NRXN3: variants seen among roughly 807,000 people sequenced by gnomAD.
NRXN3 encodes neurexin 3.
A neutral mutation model predicts 137.6 loss-of-function variants in NRXN3; 32 were observed. The ratio of observed to expected loss-of-function variants is 0.23; its 90% CI spans 0.18 to 0.31. The LOEUF is 0.31. Among genes scored for constraint, NRXN3 ranks in the 10% least tolerant of loss-of-function variants. The pLI is 1.00. For missense variants in NRXN3, 1,574 were observed against 2,062.5 expected, an observed-to-expected ratio of 0.76 and a Z score of 4.59; for synonymous variants, 798 against 784.5, an observed-to-expected ratio of 1.02 and a Z score of -0.29.
chr14:79,791,703 C>G (rs1467876712), intron 19 of NRXN3, among the ~76,000 whole-genome samples: 1 of 151,960 alleles, frequency 6.6e-6, no homozygotes, highest in Non-Finnish European at 1.5e-5. Context: ...ATGTCCCGTG[C>G]AAACCCAAGG....
At chr14:78,393,135 T>C (rs909368576) in intron 4 of NRXN3, among the ~76,000 whole-genome samples, 1 of 152,092 alleles carries the variant, frequency 6.6e-6, no homozygotes, top group Non-Finnish European at 1.5e-5. Context: ...GGCCATTTTA[T>C]ATACAAAGAA....
intron 10 of NRXN3, among the ~76,000 whole-genome samples, chr14:78,880,479 G>A (rs2099126020): frequency 6.6e-6 from 1 of 152,046 alleles, no homozygotes; most frequent in South Asian, 2.1e-4. Context: ...TGCAAGCACT[G>A]CAACCCGAGG....
chr14:79,556,191 C>G (rs1422766979), intron 16 of NRXN3, among the ~76,000 whole-genome samples: 3 of 152,106 alleles, frequency 2.0e-5, no homozygotes, highest in African/African-American at 7.2e-5. Flanking sequence ...TTGTTAATGT[C>G]AATACCTACA....
intron 12 of NRXN3, 77 bp from the exon 13 acceptor site, chr14:78,967,131 T>C (rs2099419180): frequency 3.2e-6 from 4 of 1,241,534 alleles, no homozygotes; most frequent in Non-Finnish European, 4.5e-6. Flanking sequence ...AAGCCCACTA[T>C]GTCAGTTACA....
intron 19 of NRXN3, among the ~76,000 whole-genome samples, chr14:79,784,168 A>AC (rs1363343008): frequency 6.6e-6 from 1 of 152,178 alleles, no homozygotes; most frequent in Non-Finnish European, 1.5e-5. Flanking sequence ...TCTAATAAAA[A>AC]CAAAAAAAAT....
intron 15 of NRXN3, chr14:79,280,512 C>T (rs1295289943): frequency 1.9e-6 from 3 of 1,612,954 alleles, no homozygotes; most frequent in Admixed American, 1.7e-5. Flanking sequence ...ATCTATCGTT[C>T]CCCTGTTTCC....
intron 15 of NRXN3, among the ~76,000 whole-genome samples, chr14:79,195,853 A>T (rs932202767): frequency 6.6e-6 from 1 of 152,234 alleles, no homozygotes; most frequent in African/African-American, 2.4e-5. Context: ...GGAATTGGGA[A>T]ATAAAATAGT....
chr14:78,646,721 A>G (rs1406589545), intron 5 of NRXN3, among the ~76,000 whole-genome samples: 4 of 152,174 alleles, frequency 2.6e-5, no homozygotes, highest in East Asian at 1.9e-4. Flanking sequence ...AGAGTCCCCA[A>G]GCATCTTGAC....
intron 15 of NRXN3, among the ~76,000 whole-genome samples, chr14:79,150,428 T>G (rs1843431260): frequency 6.6e-6 from 1 of 151,848 alleles, no homozygotes; most frequent in Admixed American, 6.6e-5. Flanking sequence ...ATAGAGAAAC[T>G]TGGCAGAAAT....
intron 11 of NRXN3, among the ~76,000 whole-genome samples, chr14:78,960,700 C>T (rs896585784): frequency 6.6e-6 from 1 of 152,164 alleles, no homozygotes; most frequent in African/African-American, 2.4e-5. Flanking sequence ...GAACTGCCTC[C>T]TCTGCCTAGA....
intron 4 of NRXN3, among the ~76,000 whole-genome samples, chr14:78,585,333 G>C (rs1191373663): frequency 2.0e-5 from 3 of 152,158 alleles, no homozygotes; most frequent in Non-Finnish European, 2.9e-5. Context: ...GGCCTGTGTG[G>C]CTAGTACAGA....
chr14:79,005,367 C>CT (rs1256093586), intron 15 of NRXN3, among the ~76,000 whole-genome samples: 82 of 152,262 alleles, frequency 5.4e-4, no homozygotes, highest in African/African-American at 1.9e-3. Flanking sequence ...TCAGTATGTT[C>CT]TTTTTTGTGG....
intron 10 of NRXN3, among the ~76,000 whole-genome samples, chr14:78,868,305 C>T (rs1358035406): frequency 6.6e-6 from 1 of 152,034 alleles, no homozygotes; most frequent in Non-Finnish European, 1.5e-5. Flanking sequence ...CTAATTCCCA[C>T]CCCAAATGCT....
intron 15 of NRXN3, among the ~76,000 whole-genome samples, chr14:79,161,306 A>G (rs889265984): frequency 6.6e-6 from 1 of 151,938 alleles, no homozygotes; most frequent in Non-Finnish European, 1.5e-5. Context: ...TGTAAGATAG[A>G]TACTTGGAGA....
At chr14:79,305,757 C>T (rs888494467) in intron 15 of NRXN3, among the ~76,000 whole-genome samples, 1 of 152,072 alleles carries the variant, frequency 6.6e-6, no homozygotes, top group African/African-American at 2.4e-5. Flanking sequence ...AATGAACTAA[C>T]CTTATAATTC....
intron 8 of NRXN3, among the ~76,000 whole-genome samples, chr14:78,766,021 C>T (rs1342741362): frequency 6.6e-6 from 1 of 152,140 alleles, no homozygotes; most frequent in Non-Finnish European, 1.5e-5. Context: ...TATGCAGAAG[C>T]CCAGCACCTA....
chr14:79,427,972 C>A (rs2095683002), intron 15 of NRXN3, among the ~76,000 whole-genome samples: 2 of 151,976 alleles, frequency 1.3e-5, no homozygotes, highest in African/African-American at 4.8e-5. Flanking sequence ...GATCCCATTC[C>A]CACGTTCTGC....
At chr14:79,836,555 C>A (rs1200232562) in intron 20 of NRXN3, among the ~76,000 whole-genome samples, 3 of 152,096 alleles carry the variant, frequency 2.0e-5, no homozygotes, top group African/African-American at 7.2e-5. Flanking sequence ...GTTTGGCCAC[C>A]TTTATAATAG....
At chr14:79,620,867 A>C (rs2098216602) in intron 16 of NRXN3, among the ~76,000 whole-genome samples, 1 of 152,138 alleles carries the variant, frequency 6.6e-6, no homozygotes, top group African/African-American at 2.4e-5. Flanking sequence ...CCTGAAGGGA[A>C]TAAGATATGT....
Sources: allele counts gnomAD v4.1 joint callset (sites outside exome capture counted in the v4.1 genomes callset), GRCh38; gene constraint gnomAD v4.1.1; transcripts MANE v1.5; gene names NCBI Gene and HGNC (gene_info 2026-07-23, HGNC 2026-07-21).